HEBP2: variants seen among roughly 807,000 people sequenced by gnomAD.
HEBP2 encodes heme-binding protein 2.
Under a neutral mutation model 23.1 loss-of-function variants are expected in HEBP2, and 27 were observed. The observed-to-expected ratio is 1.17, with a 90% CI of 0.86 to 1.61. The LOEUF is 1.61. Among genes scored for constraint, HEBP2 ranks in the 40% most tolerant of loss-of-function variants. The probability of loss-of-function intolerance (pLI) is 0.00; values close to 1 mark genes in which losing one functional copy is unlikely to be tolerated. For synonymous variants in HEBP2, 99 were observed against 95.1 expected (o/e 1.04, Z -0.24); for missense variants, 245 against 253.8 (o/e 0.97, Z 0.24).
intron 2 of HEBP2, 115 bp from the exon 3 acceptor site, chr6:138,405,856 A>C: frequency 2.3e-6 from 2 of 855,416 alleles, no homozygotes; most frequent in East Asian, 5.3e-5. Context: ...ATTATCTTAA[A>C]GGTAAATATG....
At chr6:138,405,108 A>G (rs1041795737) in intron 1 of HEBP2, 37 bp from the exon 2 acceptor site, 16 of 1,604,706 alleles carry the variant, frequency 1.0e-5, no homozygotes, top group Non-Finnish European at 1.3e-5. Context: ...CTACCCTCTT[A>G]GAATTGCTTC....
intron 3 of HEBP2, among the ~76,000 whole-genome samples, chr6:138,412,445 G>A (rs7760900): frequency 0.012 from 1,886 of 152,218 alleles, 39 homozygotes; most frequent in African/African-American, 0.043. Flanking sequence ...CTGAGAGGGA[G>A]TAGCTTTTTT....
chr6:138,412,615 G>A (rs765847303), intron 3 of HEBP2, among the ~76,000 whole-genome samples: 4 of 152,132 alleles, frequency 2.6e-5, no homozygotes, highest in Non-Finnish European at 5.9e-5. Flanking sequence ...CACCACATCT[G>A]GCTAAGTTTT....
At position 138,404,614 on chromosome 6, in the gene HEBP2, G is replaced by T; in HGVS notation, c.102+17G>T. 1.6e-6 allele frequency: 2 copies of T among 1,262,012 alleles called. No homozygotes were observed. Among genetic ancestry groups the T allele is most frequent in the South Asian group, 5.3e-5 (2 of 37,426 alleles). 78.2% of individuals were successfully genotyped at this position (1,262,012 alleles called of 1,614,324 possible). On this transcript the variant is annotated intron_variant, in intron 1 of 3. Coordinates refer to ENST00000607197, the MANE Select transcript of HEBP2 (RefSeq NM_014320.3). ...GGCCCCCAGGTAGGCGCCGACTCGG[G>T]AGCGGAGGGGCTGGGCCCGCCTTCC...
chr6:138,414,908 T>C lies in HEBP2; in HGVS notation c.*1830T>C. On this transcript the variant is annotated 3_prime_UTR_variant, in exon 4 of 4. Coordinates refer to ENST00000607197, the MANE Select transcript of HEBP2 (RefSeq NM_014320.3). ...ACTGTCTGTCCAAAAAATAAAAAAT[T>C]AGCCAAGCGTGGTGGCACACGCCTG... 1 of 152,094 alleles carries C rather than the reference T, an allele frequency of 6.6e-6. No homozygotes were observed. Among genetic ancestry groups the C allele is most frequent in the East Asian group, 1.9e-4 (1 of 5,172 alleles). 9.4% of individuals were successfully genotyped at this position (152,094 alleles called of 1,614,324 possible). A position where few individuals can be genotyped will look rare whatever the true frequency, so the allele number is the denominator to read the frequency against.
Position 138,405,973 on chromosome 6 carries a change from A to G in HEBP2, c.241A>G (p.Met81Val). 2 of 1,610,832 alleles carry G rather than the reference A, an allele frequency of 1.2e-6. No homozygotes were observed. The highest frequency in any genetic ancestry group is 1.7e-6 in the Non-Finnish European group (2 of 1,178,628). ...SYIQGKNEKE[M>V]KIKMTAPVTS... ...TTGCTTTCATTTTTATGTCACAGAGATGAAAATAAAGATGACAGCTCCAGT... is the reference window on the plus strand; with the variant it reads ...TTGCTTTCATTTTTATGTCACAGAGGTGAAAATAAAGATGACAGCTCCAGT... Residue 81 changes from methionine (M) to valine (V), a missense_variant and splice_region_variant, in exon 3 of 4, where the codon ATG becomes GTG. By Grantham distance (21) the Met-to-Val change is conservative. Coordinates refer to ENST00000607197, the MANE Select transcript of HEBP2 (RefSeq NM_014320.3).
In HEBP2 at chr6:138,406,072, G is replaced by A; in HGVS notation, c.340G>A (p.Glu114Lys). 6.2e-7 allele frequency: 1 copy of A among 1,614,130 alleles called. No homozygotes were observed. Among genetic ancestry groups the A allele is most frequent in the East Asian group, 2.2e-5 (1 of 44,872 alleles). ...TACCATTTCCCTGTATATTCCCTCT[G>A]AACAGCAATTTGATCCACCCAGGCC... Reference protein sequence around the residue: ...TITISLYIPSEQQFDPPRPLE... With the variant: ...TITISLYIPSKQQFDPPRPLE... The change falls in exon 3 of 4, where the codon GAA becomes AAA. Residue 114 changes from glutamate to lysine, a missense_variant. By Grantham distance (56) the Glu-to-Lys change is moderately conservative (BLOSUM62 1). Coordinates refer to ENST00000607197, the MANE Select transcript of HEBP2 (RefSeq NM_014320.3).
In HEBP2 at chr6:138,413,501, G is replaced by A. The variant is rs961191064; in HGVS notation, c.*423G>A. ...AGGCCCGGAGAGGTGAAATTCAGCT[G>A]GACACAAAAATCAAATTGTCTTTTG... On this transcript the variant is annotated 3_prime_UTR_variant, in exon 4 of 4. Transcript: ENST00000607197. 5 of 161,066 alleles carry A rather than the reference G, an allele frequency of 3.1e-5. No individual in the cohort carries two copies. The highest frequency in any genetic ancestry group is 1.8e-4 in the Admixed American group (3 of 16,494). The allele number at this position is 161,066 out of a possible 1,614,324, so 10.0% of individuals were successfully genotyped here.
chr6:138,413,986 A>C lies in HEBP2; in HGVS notation c.*908A>C, dbSNP rs557681763. The C allele has an allele frequency of 6.6e-6, 1 of 152,446 alleles. No homozygotes were observed. Among genetic ancestry groups the C allele is most frequent in the East Asian group, 1.9e-4 (1 of 5,190 alleles). 9.4% of individuals were successfully genotyped at this position (152,446 alleles called of 1,614,324 possible). A position where few individuals can be genotyped will look rare whatever the true frequency, so the allele number is the denominator to read the frequency against. On this transcript the variant is annotated 3_prime_UTR_variant, in exon 4 of 4. Coordinates refer to ENST00000607197, the MANE Select transcript of HEBP2 (RefSeq NM_014320.3). ...CACAAATAAGATGCTTGAAATTGGC[A>C]AGTGTGATGAAGAACAGAATAGGGC...
In HEBP2 at chr6:138,414,205, A is replaced by G. The variant is rs1774802943; in HGVS notation, c.*1127A>G. 1 of 152,232 alleles carries G rather than the reference A, an allele frequency of 6.6e-6. No individual in the cohort carries two copies. The highest frequency in any genetic ancestry group is 2.1e-4 in the South Asian group (1 of 4,826). 9.4% of individuals were successfully genotyped at this position (152,232 alleles called of 1,614,324 possible). On this transcript the variant is annotated 3_prime_UTR_variant, in exon 4 of 4. Transcript: ENST00000607197. ...GGCCACGTTCAGTACCCAGAACAAA[A>G]AGCTGCACACACTGCTTGCTGAGCA...
In HEBP2 at chr6:138,421,650, C is replaced by G. The variant is rs759783358; in HGVS notation, c.*8572C>G. On this transcript the variant is annotated 3_prime_UTR_variant, in exon 4 of 4. Coordinates refer to ENST00000607197, the MANE Select transcript of HEBP2 (RefSeq NM_014320.3). ...GATGCGGTCCATAACAGAAGCGGGC[C>G]CCAAGGAGTAGAGTAGCCACATGGA... 2.6e-5 allele frequency: 4 copies of G among 152,112 alleles called. No homozygotes were observed. The highest frequency in any genetic ancestry group is 5.9e-5 in the Non-Finnish European group (4 of 68,038). 9.4% of individuals were successfully genotyped at this position (152,112 alleles called of 1,614,324 possible).
At position 138,416,468 on chromosome 6, in the gene HEBP2, G is replaced by T. The variant is rs1376356749; in HGVS notation, c.*3390G>T. The stretch of plus-strand genomic sequence containing the variant: ...ACCCATCCTTCAGCAAGGCTGCTGG[G>T]AATGCACTGATAAGCGGGCTTGGGC... On this transcript the variant is annotated 3_prime_UTR_variant, in exon 4 of 4. Transcript: ENST00000607197. 1 of 152,372 alleles carries T rather than the reference G, an allele frequency of 6.6e-6. No individual in the cohort carries two copies. The highest frequency in any genetic ancestry group is 1.5e-5 in the Non-Finnish European group (1 of 68,122). 9.4% of individuals were successfully genotyped at this position (152,372 alleles called of 1,614,324 possible).
At chr6:138,410,383 G>T (rs2114770211) in intron 3 of HEBP2, among the ~76,000 whole-genome samples, 1 of 152,112 alleles carries the variant, frequency 6.6e-6, no homozygotes, top group Non-Finnish European at 1.5e-5. Flanking sequence ...AAGGGAAAAT[G>T]AATTTGAAAA....
chr6:138,418,080 A>T lies in HEBP2; in HGVS notation c.*5002A>T, dbSNP rs1774866875. ...ACCCAATACCATTTATAGGAATATAACAAAATCCATCAACAAACAACATAA... is the reference window on the plus strand; with the variant it reads ...ACCCAATACCATTTATAGGAATATATCAAAATCCATCAACAAACAACATAA... On this transcript the variant is annotated 3_prime_UTR_variant, in exon 4 of 4. Transcript: ENST00000607197. 6.6e-6 allele frequency: 1 copy of T among 152,244 alleles called. No homozygotes were observed. The highest frequency in any genetic ancestry group is 1.5e-5 in the Non-Finnish European group (1 of 68,046). 9.4% of individuals were successfully genotyped at this position (152,244 alleles called of 1,614,324 possible).
chr6:138,410,479 CT>C (rs59336303), intron 3 of HEBP2, among the ~76,000 whole-genome samples: 20,034 of 134,754 alleles, frequency 0.15, 2,515 homozygotes, highest in African/African-American at 0.38. Flanking sequence ...ATGTTTCTTT[CT>C]TTTTTTTTTT....
chr6:138,405,042 C>A, intron 1 of HEBP2, 103 bp from the exon 2 acceptor site: 1 of 1,306,404 alleles, frequency 7.7e-7, no homozygotes, highest in Non-Finnish European at 1.1e-6. Flanking sequence ...AGCCCCTAGA[C>A]AGGACGGCTC....
chr6:138,404,559 A>G lies in HEBP2; in HGVS notation c.64A>G (p.Thr22Ala), dbSNP rs1132915. Residue 22 changes from threonine (T) to alanine (A), a missense_variant, in exon 1 of 4, where the codon ACG becomes GCG. Transcript: ENST00000607197. ...AEDAAAQAVE[T>A]PGWKAPEDAG... ...GGACGCGGCGGCCCAAGCTGTGGAG[A>G]CGCCGGGCTGGAAGGCCCCGGAGGA... 7.7e-7 allele frequency: 1 copy of G among 1,300,334 alleles called. No homozygotes were observed. The highest frequency in any genetic ancestry group is 9.8e-7 in the Non-Finnish European group (1 of 1,023,580). The allele number at this position is 1,300,334 out of a possible 1,614,324, so 80.5% of individuals were successfully genotyped here. A position where few individuals can be genotyped will look rare whatever the true frequency, so the allele number is the denominator to read the frequency against.
intron 3 of HEBP2, among the ~76,000 whole-genome samples, chr6:138,411,649 C>G (rs1774747025): frequency 6.6e-6 from 1 of 152,228 alleles, no homozygotes; most frequent in Non-Finnish European, 1.5e-5. Context: ...CACTTTGATC[C>G]TGTCCCTGTT....
intron 3 of HEBP2, among the ~76,000 whole-genome samples, chr6:138,411,410 A>G (rs144140649): frequency 1.3e-5 from 2 of 152,198 alleles, no homozygotes; most frequent in Non-Finnish European, 2.9e-5. Flanking sequence ...CATCCTTGGA[A>G]ATAACCTCAA....
Sources: allele counts gnomAD v4.1 joint callset (sites outside exome capture counted in the v4.1 genomes callset), GRCh38; gene constraint gnomAD v4.1.1; transcripts MANE v1.5; gene names NCBI Gene and HGNC (gene_info 2026-07-23, HGNC 2026-07-21).